Variants in ABCB11 observed in about 807,000 individuals in gnomAD.
The protein encoded by ABCB11 is ATP binding cassette subfamily B member 11.
ABCB11 carries 95 observed loss-of-function variants against 148.0 expected under a neutral mutation model. The ratio of observed to expected loss-of-function variants is 0.64; its 90% confidence interval spans 0.54 to 0.76. The LOEUF (loss-of-function observed/expected upper bound fraction) is 0.76. Among genes scored for constraint, ABCB11 ranks in the 30% least tolerant of loss-of-function variants. The probability of loss-of-function intolerance (pLI) is 0.00; values close to 1 mark genes in which losing one functional copy is unlikely to be tolerated. For synonymous variants in ABCB11, 591 were observed against 555.4 expected (o/e 1.06, Z -0.90); for missense variants, 1,523 against 1,617.8 (o/e 0.94, Z 1.01).
At chr2:168,953,452 CTTT>C (rs35351007) in intron 19 of ABCB11, among the ~76,000 whole-genome samples, 1 of 142,664 alleles carries the variant, frequency 7.0e-6, no homozygotes, top group Non-Finnish European at 1.5e-5. Context: ...ATTATCTTGT[CTTT>C]TTTTTTTTTT....
intron 18 of ABCB11, among the ~76,000 whole-genome samples, chr2:168,963,694 A>G (rs570746229): frequency 6.6e-6 from 1 of 151,960 alleles, no homozygotes; most frequent in South Asian, 2.1e-4. Flanking sequence ...TGAAATCAAC[A>G]AATGTCTGTG....
At position 169,008,412 on chromosome 2, in the gene ABCB11, C is replaced by G. The variant is rs143634892; in HGVS notation, c.389+4860G>C. 6.6e-3 allele frequency among the ~76,000 whole-genome samples: 999 copies of G among 152,278 alleles called. 5 individuals are homozygous for G. Among genetic ancestry groups the G allele is most frequent in the Non-Finnish European group, 0.011 (737 of 68,006 alleles). ...TACTCTTCTCTCTACAGGCAAATCC[C>G]CCTCTGCCTTCTTCTTAGCAACCAT... is the stretch of plus-strand genomic sequence containing the variant. On this transcript the variant is annotated intron_variant, in intron 5 of 27. Transcript: ENST00000650372.
chr2:168,936,518 T>C, intron 21 of ABCB11, 85 bp from the exon 22 acceptor site: 3 of 1,258,874 alleles, frequency 2.4e-6, no homozygotes, highest in Non-Finnish European at 2.3e-6. Context: ...AGACCTTTTA[T>C]AAAGTTGTGA....
chr2:168,929,120 TTAA>T lies in ABCB11; in HGVS notation c.3411+1542_3411+1544del, dbSNP rs1691451240. On this transcript the variant is annotated intron_variant, in intron 25 of 27. Coordinates refer to ENST00000650372, the MANE Select transcript of ABCB11 (RefSeq NM_003742.4). ...CTTTCAAAATATAGGGATTAAACAA[TTAA>T]TCAAGTATGAAGCAAAACAAAACAT... 2.0e-5 allele frequency among the ~76,000 whole-genome samples: 3 copies of T among 152,156 alleles called. No individual in the cohort carries two copies. The South Asian group carries it at 6.2e-4, about 31-fold the overall frequency.
At chr2:168,997,280 T>C (rs967799963) in intron 5 of ABCB11, among the ~76,000 whole-genome samples, 1 of 152,098 alleles carries the variant, frequency 6.6e-6, no homozygotes, top group African/African-American at 2.4e-5. Context: ...GTGCCTGTTA[T>C]CTTCCCATGG....
chr2:168,963,660 C>A (rs892344252), intron 18 of ABCB11, among the ~76,000 whole-genome samples: 2 of 151,722 alleles, frequency 1.3e-5, no homozygotes, highest in African/African-American at 4.8e-5. Flanking sequence ...TTAAATGTAT[C>A]TTAAAACCAT....
chr2:168,953,323 G>T (rs1692649507), intron 19 of ABCB11, among the ~76,000 whole-genome samples: 1 of 151,456 alleles, frequency 6.6e-6, no homozygotes, highest in Non-Finnish European at 1.5e-5. Context: ...CACTATTATT[G>T]CATTGCCCTA....
chr2:168,940,217 C>T (rs1692000643), intron 21 of ABCB11, among the ~76,000 whole-genome samples: 1 of 151,896 alleles, frequency 6.6e-6, no homozygotes, highest in African/African-American at 2.4e-5. Flanking sequence ...CTGAGATAGG[C>T]TAAAAGTTAG....
chr2:168,939,951 G>T (rs966041325), intron 21 of ABCB11, among the ~76,000 whole-genome samples: 1 of 152,002 alleles, frequency 6.6e-6, no homozygotes, highest in African/African-American at 2.4e-5. Flanking sequence ...AGAGCACCAC[G>T]AACCACGCCA....
chr2:169,020,403 A>C (rs1176728405), intron 1 of ABCB11, among the ~76,000 whole-genome samples: 6 of 152,188 alleles, frequency 3.9e-5, no homozygotes, highest in Non-Finnish European at 8.8e-5. Context: ...CTAAATAAGC[A>C]AAGGATTAAA....
In ABCB11 at chr2:168,964,752, A is replaced by G. The variant is rs542232887; in HGVS notation, c.2076-444T>C. On this transcript the variant is annotated intron_variant, in intron 17 of 27. Transcript: ENST00000650372. ...CTGATGTGTTCACTTTAGCATGGTTACAAATGATATGAGGAAATAGGGCCT... is the reference window on the plus strand; with the variant it reads ...CTGATGTGTTCACTTTAGCATGGTTGCAAATGATATGAGGAAATAGGGCCT... Among the ~76,000 whole-genome samples the G allele has an allele frequency of 9.4e-4, 143 of 151,998 alleles. 2 individuals are homozygous for G. Among genetic ancestry groups the G allele is most frequent in the African/African-American group, 3.4e-3 (140 of 41,536 alleles).
intron 5 of ABCB11, among the ~76,000 whole-genome samples, chr2:169,004,285 TC>T (rs763786325): frequency 7.2e-5 from 11 of 152,240 alleles, no homozygotes; most frequent in Non-Finnish European, 1.0e-4. Flanking sequence ...TTTAGATTTC[TC>T]TTCTTCCTCG....
chr2:168,956,933 C>T (rs1389377967), intron 19 of ABCB11, among the ~76,000 whole-genome samples: 1 of 151,660 alleles, frequency 6.6e-6, no homozygotes, highest in Non-Finnish European at 1.5e-5. Context: ...TTGTGGCTCT[C>T]AGGCAGTCCC....
At chr2:169,017,543 C>A (rs1322385429) in intron 2 of ABCB11, among the ~76,000 whole-genome samples, 2 of 152,098 alleles carry the variant, frequency 1.3e-5, no homozygotes, top group Non-Finnish European at 2.9e-5. Context: ...TGCCAAGTTT[C>A]AAAAACATAT....
chr2:168,944,829 T>C, intron 20 of ABCB11, 28 bp downstream of exon 20: 1 of 1,606,046 alleles, frequency 6.2e-7, no homozygotes, highest in Non-Finnish European at 8.5e-7. Context: ...AATAACTAAA[T>C]CACTTACTGA....
chr2:169,016,264 T>G (rs970235741), intron 3 of ABCB11, among the ~76,000 whole-genome samples: 3 of 152,200 alleles, frequency 2.0e-5, no homozygotes, highest in African/African-American at 7.2e-5. Context: ...CCTTTAACCC[T>G]TCCGTTTCCA....
chr2:168,996,618 A>G lies in ABCB11; in HGVS notation c.477+17T>C. 2 of 1,409,642 alleles carry G rather than the reference A, an allele frequency of 1.4e-6. No homozygotes were observed. Among genetic ancestry groups the G allele is most frequent in the Admixed American group, 2.2e-5 (1 of 46,162 alleles). 87.3% of individuals were successfully genotyped at this position (1,409,642 alleles called of 1,614,324 possible). A position where few individuals can be genotyped will look rare whatever the true frequency, so the allele number is the denominator to read the frequency against. Reference sequence around the variant, plus strand: ...GGTCAGATATTGATCTATAAATTATACGGAGGAGCTACTAACTTGAATATA... The same window carrying G: ...GGTCAGATATTGATCTATAAATTATGCGGAGGAGCTACTAACTTGAATATA... On this transcript the variant is annotated intron_variant, in intron 6 of 27. Coordinates refer to ENST00000650372, the MANE Select transcript of ABCB11 (RefSeq NM_003742.4).
chr2:169,017,839 C>T (rs530006909), intron 2 of ABCB11: 6 of 724,868 alleles, frequency 8.3e-6, no homozygotes. Flanking sequence ...TTCATTTACA[C>T]ACACTTGGTG....
At chr2:168,947,537 G>C (rs1046520712) in intron 19 of ABCB11, among the ~76,000 whole-genome samples, 19 of 151,648 alleles carry the variant, frequency 1.3e-4, no homozygotes, top group Admixed American at 1.3e-4. Context: ...TTCCCACAGT[G>C]TGGTCTCAAT....
Sources: gnomAD v4.1 joint callset for allele counts (sites outside exome capture counted in the v4.1 genomes callset) on GRCh38, gnomAD v4.1.1 for gene constraint, MANE v1.5 for transcripts, NCBI Gene and HGNC (gene_info 2026-07-23, HGNC 2026-07-21) for gene names.